THSD4: variants seen among roughly 807,000 people sequenced by gnomAD.
The protein encoded by THSD4 is thrombospondin type 1 domain containing 4.
In THSD4, 69 loss-of-function variants were observed where a neutral mutation model predicts 119.0. That is an observed-to-expected ratio of 0.58 (90% CI 0.48 to 0.71). The LOEUF (loss-of-function observed/expected upper bound fraction) is 0.71, where lower values mean the gene tolerates loss of function less well. Ranked by LOEUF, THSD4 falls within the 30% of genes least tolerant of loss-of-function variation. The probability of loss-of-function intolerance (pLI) is 0.00; values close to 1 mark genes in which losing one functional copy is unlikely to be tolerated. For missense variants in THSD4, 1,393 were observed against 1,391.1 expected, an observed-to-expected ratio of 1.00 and a Z score of -0.02; for synonymous variants, 524 against 540.4, an observed-to-expected ratio of 0.97 and a Z score of 0.42.
chr15:71,450,778 C>T (rs2140580868), intron 7 of THSD4, among the ~76,000 whole-genome samples: 1 of 152,190 alleles, frequency 6.6e-6, no homozygotes, highest in South Asian at 2.1e-4. Flanking sequence ...AGGAGGAAAG[C>T]CACATTTAAT....
chr15:71,136,643 G>C (rs976724122), intron 1 of THSD4, among the ~76,000 whole-genome samples: 3 of 150,436 alleles, frequency 2.0e-5, no homozygotes, highest in Admixed American at 6.6e-5. Flanking sequence ...GGCTGCGGGA[G>C]TTCCAGAGGA....
intron 1 of THSD4, among the ~76,000 whole-genome samples, chr15:71,135,712 C>T (rs1420246470): frequency 2.0e-5 from 3 of 152,194 alleles, no homozygotes; most frequent in African/African-American, 7.2e-5. Flanking sequence ...AAAGCTCTTT[C>T]TCCAATGTAC....
intron 8 of THSD4, among the ~76,000 whole-genome samples, chr15:71,663,475 C>A (rs543661290): frequency 6.6e-6 from 1 of 152,196 alleles, no homozygotes; most frequent in African/African-American, 2.4e-5. Flanking sequence ...AGAGCACTTA[C>A]GTCACCTGGG....
At chr15:71,249,340 T>A (rs1247117553) in intron 5 of THSD4, among the ~76,000 whole-genome samples, 5 of 149,568 alleles carry the variant, frequency 3.3e-5, no homozygotes, top group Admixed American at 6.7e-5. Flanking sequence ...ATACACACAC[T>A]TTTATATACA....
chr15:71,157,222 A>G (rs1439511813), intron 3 of THSD4, among the ~76,000 whole-genome samples: 1 of 152,200 alleles, frequency 6.6e-6, no homozygotes, highest in Non-Finnish European at 1.5e-5. Context: ...AACCTGAACA[A>G]AAGGTCCCCA....
At chr15:71,539,599 G>A (rs903589648) in intron 7 of THSD4, among the ~76,000 whole-genome samples, 5 of 152,070 alleles carry the variant, frequency 3.3e-5, no homozygotes, top group African/African-American at 4.8e-5. Flanking sequence ...TGATACTCTC[G>A]TTTGTACCAC....
rs1267372106 is a variant in THSD4, at chr15:71,782,826, C to T, written c.*5452C>T. ...ATTTCCTCATCTAATCTGCCTTCCCCTCATCCACAGACATTTGGAGAAGGA... is the reference window on the plus strand; with the variant it reads ...ATTTCCTCATCTAATCTGCCTTCCCTTCATCCACAGACATTTGGAGAAGGA... On this transcript the variant is annotated 3_prime_UTR_variant, in exon 18 of 18. Coordinates refer to ENST00000261862, the MANE Select transcript of THSD4 (RefSeq NM_024817.3). 6.6e-6 allele frequency: 1 copy of T among 152,234 alleles called. No homozygotes were observed. Among genetic ancestry groups the T allele is most frequent in the Non-Finnish European group, 1.5e-5 (1 of 68,042 alleles). The allele number at this position is 152,234 out of a possible 1,614,324, so 9.4% of individuals were successfully genotyped here.
intron 11 of THSD4, among the ~76,000 whole-genome samples, chr15:71,741,417 C>T (rs2053231955): frequency 6.6e-6 from 1 of 151,994 alleles, no homozygotes; most frequent in African/African-American, 2.4e-5. Flanking sequence ...TGCTTGAACC[C>T]AGGAGGCGGA....
At chr15:71,435,609 G>T (rs2047002662) in intron 7 of THSD4, among the ~76,000 whole-genome samples, 1 of 152,018 alleles carries the variant, frequency 6.6e-6, no homozygotes, top group South Asian at 2.1e-4. Context: ...TTTTTAAATG[G>T]GTGCGAAAGA....
intron 7 of THSD4, among the ~76,000 whole-genome samples, chr15:71,442,847 T>G (rs1294831801): frequency 2.0e-5 from 3 of 150,532 alleles, no homozygotes; most frequent in Non-Finnish European, 3.0e-5. Flanking sequence ...TAGGTCACCT[T>G]TGGTAGAGCA....
intron 7 of THSD4, among the ~76,000 whole-genome samples, chr15:71,487,792 C>A (rs1015927852): frequency 6.6e-6 from 1 of 152,048 alleles, no homozygotes; most frequent in African/African-American, 2.4e-5. Context: ...TAAATAGAAT[C>A]TTTTCTTCCA....
intron 7 of THSD4, among the ~76,000 whole-genome samples, chr15:71,524,195 G>A (rs999366246): frequency 7.2e-5 from 11 of 152,222 alleles, no homozygotes; most frequent in Non-Finnish European, 1.5e-5. Context: ...ACAGTCTGAT[G>A]AGGGCCAGGC....
At chr15:71,344,143 A>G (rs1248298729) in intron 6 of THSD4, among the ~76,000 whole-genome samples, 2 of 148,192 alleles carry the variant, frequency 1.3e-5, no homozygotes, top group African/African-American at 5.0e-5. Flanking sequence ...GGTTCACGCC[A>G]TTCTCCTGCC....
intron 7 of THSD4, among the ~76,000 whole-genome samples, chr15:71,496,556 G>A (rs556555880): frequency 6.6e-6 from 1 of 152,066 alleles, no homozygotes; most frequent in African/African-American, 2.4e-5. Flanking sequence ...CAGGCAGCAA[G>A]GTAAAGAAAG....
At chr15:71,772,691 A>C (rs1304028648) in intron 17 of THSD4, among the ~76,000 whole-genome samples, 2 of 152,206 alleles carry the variant, frequency 1.3e-5, no homozygotes, top group African/African-American at 4.8e-5. Flanking sequence ...CTGATATATG[A>C]TATAGGCATA....
Position 71,748,607 on chromosome 15 carries a change from G to A in THSD4, c.2415+13G>A, listed in dbSNP as rs1160872764. The A allele has an allele frequency of 6.2e-6, 10 of 1,613,650 alleles. No individual in the cohort carries two copies. Among genetic ancestry groups the A allele is most frequent in the South Asian group, 1.1e-5 (1 of 91,040 alleles). Reference sequence around the variant, plus strand: ...GTGGAGCGAAAGGGTGAGTGTGATGGCGGGCAGAGCGCCGGGGACCGAGGT... The same window carrying A: ...GTGGAGCGAAAGGGTGAGTGTGATGACGGGCAGAGCGCCGGGGACCGAGGT... On this transcript the variant is annotated intron_variant, in intron 14 of 17. Coordinates refer to ENST00000261862, the MANE Select transcript of THSD4 (RefSeq NM_024817.3).
At chr15:71,771,774 A>C (rs2053827569) in intron 17 of THSD4, among the ~76,000 whole-genome samples, 1 of 152,202 alleles carries the variant, frequency 6.6e-6, no homozygotes, top group African/African-American at 2.4e-5. Context: ...CAGTCTTGCA[A>C]TTCAGAAGAC....
intron 4 of THSD4, among the ~76,000 whole-genome samples, chr15:71,242,369 G>T (rs997366271): frequency 6.6e-6 from 1 of 152,134 alleles, no homozygotes; most frequent in Admixed American, 6.5e-5. Context: ...GCTGACCATA[G>T]TTTACTGTTC....
At chr15:71,297,628 T>C (rs8043072) in intron 6 of THSD4, among the ~76,000 whole-genome samples, 151,546 of 152,254 alleles carry the variant, frequency 1, 75,423 homozygotes, top group Middle Eastern at 1. Flanking sequence ...GCTACCACGC[T>C]CGGCCTTTTC....
Sources: gnomAD v4.1 joint callset for allele counts (sites outside exome capture counted in the v4.1 genomes callset) on GRCh38, gnomAD v4.1.1 for gene constraint, MANE v1.5 for transcripts, NCBI Gene and HGNC (gene_info 2026-07-23, HGNC 2026-07-21) for gene names.